Variants in STX17 observed in about 807,000 individuals in gnomAD.
The protein encoded by STX17 is syntaxin 17.
STX17 carries 29 observed loss-of-function variants against 35.9 expected under a neutral mutation model. The ratio of observed to expected loss-of-function variants is 0.81; its 90% CI spans 0.60 to 1.10. The LOEUF (loss-of-function observed/expected upper bound fraction) is 1.10. Among genes scored for constraint, STX17 ranks in the 50% least tolerant of loss-of-function variants. The pLI is 0.00. For missense variants in STX17, 312 were observed against 352.3 expected (o/e 0.89, Z 0.92); for synonymous variants, 92 against 118.3 (o/e 0.78, Z 1.44).
At chr9:99,943,439 C>G (rs1829409181) in intron 3 of STX17, among the ~76,000 whole-genome samples, 1 of 152,212 alleles carries the variant, frequency 6.6e-6, no homozygotes, top group African/African-American at 2.4e-5. Context: ...TCCCAAGTAG[C>G]TGGGACTACA....
chr9:99,960,154 A>T lies in STX17; in HGVS notation c.581A>T (p.Asn194Ile), dbSNP rs772846419. 1 of 1,613,818 alleles carries T rather than the reference A, an allele frequency of 6.2e-7. No homozygotes were observed. Among genetic ancestry groups the T allele is most frequent in the South Asian group, 1.1e-5 (1 of 91,068 alleles). ...GTCACTGACTTCTCTCTCCTAGTGA[A>T]TGTAAGTATATAACTGTTTTGGATG... ...QLVTDFSLLV[N>I]SQQEKIDSIA... The change falls in exon 6 of 8, where the codon AAT (asparagine) becomes ATT (isoleucine). Residue 194 changes from asparagine (N) to isoleucine (I), a missense_variant and splice_region_variant. By Grantham distance (149) the Asn-to-Ile change is moderately radical. Coordinates refer to ENST00000259400, the MANE Select transcript of STX17 (RefSeq NM_017919.3).
chr9:99,938,621 C>T (rs1393059010), intron 3 of STX17, among the ~76,000 whole-genome samples: 1 of 151,970 alleles, frequency 6.6e-6, no homozygotes, highest in African/African-American at 2.4e-5. Flanking sequence ...TCTGTCTCTA[C>T]AAAAAATACC....
At chr9:99,958,130 T>A (rs977489985) in intron 4 of STX17, among the ~76,000 whole-genome samples, 5 of 152,212 alleles carry the variant, frequency 3.3e-5, no homozygotes, top group Non-Finnish European at 5.9e-5. Flanking sequence ...GCTTTTCTCC[T>A]CATCACAGTC....
chr9:99,915,029 G>T (rs998305355), intron 1 of STX17, 149 bp from the exon 2 acceptor site: 8 of 340,828 alleles, frequency 2.3e-5, no homozygotes, highest in Non-Finnish European at 4.0e-5. Flanking sequence ...AAAATCAGTG[G>T]TTTCATAAAG....
intron 3 of STX17, among the ~76,000 whole-genome samples, chr9:99,931,344 G>A (rs1036814988): frequency 2.0e-5 from 3 of 151,938 alleles, no homozygotes; most frequent in South Asian, 2.1e-4. Flanking sequence ...GGGAGCTTTT[G>A]TGATTAGTTC....
intron 1 of STX17, among the ~76,000 whole-genome samples, chr9:99,913,093 A>T (rs1307902354): frequency 6.6e-6 from 1 of 151,900 alleles, no homozygotes; most frequent in Non-Finnish European, 1.5e-5. Context: ...TTGCTTTGTC[A>T]GTCTTTTATG....
rs151093018 is a variant in STX17, at chr9:99,939,780, C to T, written c.189+10937C>T. ...AGATTTCCTTTGAGCATGTTTCTTC[C>T]ACCCCTTTCATTTTGAATATTTCCC... On this transcript the variant is annotated intron_variant, in intron 3 of 7. Transcript: ENST00000259400. Among the ~76,000 whole-genome samples the T allele has an allele frequency of 1.5e-3, 231 of 152,232 alleles. 1 individual carries two copies. The highest frequency in any genetic ancestry group is 5.5e-3 in the African/African-American group (230 of 41,540).
intron 2 of STX17, among the ~76,000 whole-genome samples, chr9:99,925,821 A>C (rs1828975516): frequency 6.6e-6 from 1 of 151,958 alleles, no homozygotes; most frequent in East Asian, 1.9e-4. Context: ...TGTAATGTGC[A>C]TTAGTATAGC....
intron 3 of STX17, among the ~76,000 whole-genome samples, chr9:99,948,890 T>G (rs1156280699): frequency 6.6e-6 from 1 of 152,120 alleles, no homozygotes. Context: ...CAAATGCTCA[T>G]TAAGTTTGGC....
rs1267942744 is a variant in STX17 at position 99,973,798 on chromosome 9, T to C, written c.*5125T>C. On this transcript the variant is annotated 3_prime_UTR_variant, in exon 8 of 8. Coordinates refer to ENST00000259400, the MANE Select transcript of STX17 (RefSeq NM_017919.3). ...AAGATTTTCAGTGGTTCCCACTGAA[T>C]ACCAAATAAAGTTCGAATCCCTTAG... 6.6e-6 allele frequency among the ~76,000 whole-genome samples: 1 copy of C among 152,208 alleles called. No individual in the cohort carries two copies. Among genetic ancestry groups the C allele is most frequent in the African/African-American group, 2.4e-5 (1 of 41,458 alleles).
At chr9:99,910,350 C>T (rs907943915) in intron 1 of STX17, among the ~76,000 whole-genome samples, 1 of 151,720 alleles carries the variant, frequency 6.6e-6, no homozygotes, top group Non-Finnish European at 1.5e-5. Flanking sequence ...TCACCAATGA[C>T]ATGTCTAAGA....
chr9:99,974,165 G>A lies in STX17; in HGVS notation c.*5492G>A, dbSNP rs757453564. Among the ~76,000 whole-genome samples the A allele has an allele frequency of 1.1e-4, 16 of 152,156 alleles. No homozygotes were observed. Among genetic ancestry groups the A allele is most frequent in the Non-Finnish European group, 2.1e-4 (14 of 68,016 alleles). ...TGTGCATTTGATAGCCACAGCACAA[G>A]TATTCTTCAGGAGCATAAATCCTCC... On this transcript the variant is annotated 3_prime_UTR_variant, in exon 8 of 8. Coordinates refer to ENST00000259400, the MANE Select transcript of STX17 (RefSeq NM_017919.3).
At chr9:99,925,754 G>A (rs575623684) in intron 2 of STX17, among the ~76,000 whole-genome samples, 27 of 152,002 alleles carry the variant, frequency 1.8e-4, no homozygotes, top group African/African-American at 6.0e-4. Flanking sequence ...TATTTCATGT[G>A]TCTTTTTTCT....
intron 3 of STX17, among the ~76,000 whole-genome samples, chr9:99,941,139 T>C (rs1829350441): frequency 6.6e-6 from 1 of 152,266 alleles, no homozygotes; most frequent in African/African-American, 2.4e-5. Flanking sequence ...TAGTTGGAGA[T>C]GCATGTTGTT....
Position 99,952,739 on chromosome 9 carries a change from A to G in STX17, c.415+1454A>G, listed in dbSNP as rs559292819. Among the ~76,000 whole-genome samples, 552 of 152,238 alleles carry G rather than the reference A, an allele frequency of 3.6e-3. 1 individual carries two copies. The highest frequency in any genetic ancestry group is 0.014 in the Middle Eastern group (4 of 294). On this transcript the variant is annotated intron_variant, in intron 4 of 7. Transcript: ENST00000259400. ...GTTCATGTCCTTTGTAGGGACATGGATGAAATTGGAAATCATCATTCTCAG... is the reference window on the plus strand; with the variant it reads ...GTTCATGTCCTTTGTAGGGACATGGGTGAAATTGGAAATCATCATTCTCAG...
chr9:99,915,130 A>G, intron 1 of STX17, 48 bp from the exon 2 acceptor site: 19 of 1,246,178 alleles, frequency 1.5e-5, no homozygotes, highest in Non-Finnish European at 1.9e-5. Flanking sequence ...TTTTAAAAAT[A>G]GTGGAAACAG....
rs56245214 is a variant in STX17 at position 99,972,114 on chromosome 9, A to G, written c.*3441A>G. ...CCTTACTGAGTGTCCAGCAGCCTCA[A>G]AGTTTTTAATGGTAGCTGATGCAGA... On this transcript the variant is annotated 3_prime_UTR_variant, in exon 8 of 8. Coordinates refer to ENST00000259400, the MANE Select transcript of STX17 (RefSeq NM_017919.3). Among the ~76,000 whole-genome samples, 9 of 152,222 alleles carry G rather than the reference A, an allele frequency of 5.9e-5. No individual in the cohort carries two copies. Among genetic ancestry groups the G allele is most frequent in the African/African-American group, 4.8e-5 (2 of 41,460 alleles).
intron 2 of STX17, among the ~76,000 whole-genome samples, chr9:99,918,486 C>A (rs1040611352): frequency 6.6e-6 from 1 of 151,808 alleles, no homozygotes; most frequent in African/African-American, 2.4e-5. Flanking sequence ...GATGCTGTAT[C>A]ATAACATCTT....
At chr9:99,935,021 A>G (rs994385214) in intron 3 of STX17, among the ~76,000 whole-genome samples, 5 of 152,066 alleles carry the variant, frequency 3.3e-5, no homozygotes, top group African/African-American at 1.2e-4. Flanking sequence ...CAAAAGAGAG[A>G]AGTTGTTTTT....
Sources: gnomAD v4.1 joint callset for allele counts (sites outside exome capture counted in the v4.1 genomes callset) on GRCh38, gnomAD v4.1.1 for gene constraint, MANE v1.5 for transcripts, NCBI Gene and HGNC (gene_info 2026-07-23, HGNC 2026-07-21) for gene names.